HK3: variants seen among roughly 807,000 people sequenced by gnomAD.
HK3 encodes hexokinase 3, also known as hexokinase-3.
A neutral mutation model predicts 91.0 loss-of-function variants in HK3; 93 were observed. The observed-to-expected ratio is 1.02, with a 90% confidence interval of 0.86 to 1.21. The LOEUF (loss-of-function observed/expected upper bound fraction) is 1.21. Ranked by LOEUF, HK3 falls within the 50% of genes most tolerant of loss-of-function variation. HK3 has a pLI of 0.00. For synonymous variants in HK3, 519 were observed against 516.9 expected, an observed-to-expected ratio of 1.00 and a Z score of -0.06; for missense variants, 1,235 against 1,247.4, an observed-to-expected ratio of 0.99 and a Z score of 0.15.
intron 4 of HK3, 24 bp from the exon 5 acceptor site, chr5:176,890,965 A>G (rs759315734): frequency 6.2e-7 from 1 of 1,613,970 alleles, no homozygotes; most frequent in South Asian, 1.1e-5. Flanking sequence ...GGGGGGGCTC[A>G]GCCTTGCCCA....
At chr5:176,888,206 C>T (rs1561681341) in intron 10 of HK3, 126 bp downstream of exon 10, 1 of 772,290 alleles carries the variant, frequency 1.3e-6, no homozygotes. Context: ...TCAGTCTGGC[C>T]CTCCCTCTGC....
rs1291058406 is a variant in HK3, at chr5:176,887,945, A to C, written c.1305-199T>G. On this transcript the variant is annotated intron_variant, in intron 10 of 18. Transcript: ENST00000292432. This position sits in a 1 kb window ranked among gnomAD's most constrained non-coding sequence, Gnocchi z 4.9. ...ATATCGAGTCTTGCTCTCTCACCCA[A>C]GCTAGAGTGCCACGGAGTGATCATG... 6.6e-6 allele frequency among the ~76,000 whole-genome samples: 1 copy of C among 151,758 alleles called. No homozygotes were observed. The highest frequency in any genetic ancestry group is 2.4e-5 in the African/African-American group (1 of 41,292).
At position 176,889,627 on chromosome 5, in the gene HK3, A is replaced by G. The variant is rs754377276; in HGVS notation, c.730+18T>C. 14 of 1,614,024 alleles carry G rather than the reference A, an allele frequency of 8.7e-6. No individual in the cohort carries two copies. Among genetic ancestry groups the G allele is most frequent in the Admixed American group, 1.7e-5 (1 of 60,010 alleles). ...CAGCACACCCTCCACCTGTCATCACAAATGGTCCATGGCTCACCTACAACT... is the reference window on the plus strand; with the variant it reads ...CAGCACACCCTCCACCTGTCATCACGAATGGTCCATGGCTCACCTACAACT... On this transcript the variant is annotated intron_variant, in intron 7 of 18. Coordinates refer to ENST00000292432, the MANE Select transcript of HK3 (RefSeq NM_002115.3).
chr5:176,882,973 A>G (rs1758483916), intron 15 of HK3, among the ~76,000 whole-genome samples: 1 of 152,138 alleles, frequency 6.6e-6, no homozygotes, highest in African/African-American at 2.4e-5. Context: ...GTGTTGAGAG[A>G]CCAATGCCCC....
intron 15 of HK3, 149 bp from the exon 16 acceptor site, chr5:176,882,276 T>C: frequency 2.4e-6 from 2 of 818,676 alleles, no homozygotes; most frequent in Non-Finnish European, 3.8e-6. Flanking sequence ...CCTTCTTCCT[T>C]CCCGACATCC....
At position 176,881,139 on chromosome 5, in the gene HK3, C is replaced by G; in HGVS notation, c.2706G>C (p.Gly902=). ...TGACCAGGGCCGCACCTTTGCCGGACCCATCCTCTGACTGCAGGAACGTGA... is the reference window on the plus strand; with the variant it reads ...TGACCAGGGCCGCACCTTTGCCGGAGCCATCCTCTGACTGCAGGAACGTGA... ...CVVTFLQSED[G]SGKGAALVTA... Residue 902 remains glycine, a synonymous_variant, in exon 19 of 19, where the codon GGG becomes GGC. Coordinates refer to ENST00000292432, the MANE Select transcript of HK3 (RefSeq NM_002115.3). 6.2e-7 allele frequency: 1 copy of G among 1,613,084 alleles called. No homozygotes were observed. The highest frequency in any genetic ancestry group is 8.5e-7 in the Non-Finnish European group (1 of 1,179,922).
chr5:176,898,446 A>C (rs1440177463), intron 1 of HK3, among the ~76,000 whole-genome samples: 2 of 152,204 alleles, frequency 1.3e-5, no homozygotes, highest in African/African-American at 4.8e-5. Context: ...CAAGGATAAA[A>C]TGAGGTAACT....
chr5:176,888,221 G>A, intron 10 of HK3, 111 bp downstream of exon 10: 1 of 871,978 alleles, frequency 1.1e-6, no homozygotes, highest in Non-Finnish European at 1.8e-6. Flanking sequence ...CTCTGCCTAA[G>A]TGCCCTTCGT....
chr5:176,884,213 A>C lies in HK3; in HGVS notation c.1858-79T>G. ...CTCTGCCTCTGCAAAACCTGCATCC[A>C]TCACAAGCCTAGGCTTTCCACCCTC... On this transcript the variant is annotated intron_variant, in intron 13 of 18. Coordinates refer to ENST00000292432, the MANE Select transcript of HK3 (RefSeq NM_002115.3). The surrounding 1 kb of genome is among the most constrained non-coding windows in gnomAD (Gnocchi z 4.1). 1 of 1,180,254 alleles carries C rather than the reference A, an allele frequency of 8.5e-7. No homozygotes were observed. Among genetic ancestry groups the C allele is most frequent in the Non-Finnish European group, 1.3e-6 (1 of 786,984 alleles). 73.1% of individuals were successfully genotyped at this position (1,180,254 alleles called of 1,614,324 possible).
Position 176,881,777 on chromosome 5 carries a change from G to C in HK3, c.2308C>G (p.Leu770Val). The C allele has an allele frequency of 6.2e-7, 1 of 1,614,182 alleles. No homozygotes were observed. Among genetic ancestry groups the C allele is most frequent in the Non-Finnish European group, 8.5e-7 (1 of 1,180,030 alleles). The stretch of plus-strand genomic sequence containing the variant: ...TGCTGGCCCCGGAAGAGAACGCCAA[G>C]GCTGGTTAAATGTAAAAGGATGTGG... ...VRHILLHLTS[L>V]GVLFRGQQIQ... is the part of the protein sequence containing the mutation. Residue 770 changes from leucine to valine, a missense_variant, in exon 17 of 19, where the codon CTT becomes GTT. Transcript: ENST00000292432.
intron 2 of HK3, among the ~76,000 whole-genome samples, chr5:176,894,173 G>A (rs1358659486): frequency 6.6e-6 from 1 of 152,162 alleles, no homozygotes; most frequent in Admixed American, 6.5e-5. Context: ...TGGAGAGCCT[G>A]ACTCCATACC....
At chr5:176,896,206 C>A (rs748138845) in intron 1 of HK3, 21 bp from the exon 2 acceptor site, 4 of 1,407,174 alleles carry the variant, frequency 2.8e-6, no homozygotes, top group South Asian at 2.6e-5. Context: ...AAAGGGACAA[C>A]CTGGGTCAAC....
At chr5:176,898,739 G>A (rs565272165) in intron 1 of HK3, among the ~76,000 whole-genome samples, 3 of 152,132 alleles carry the variant, frequency 2.0e-5, no homozygotes, top group African/African-American at 7.2e-5. Context: ...TTTGCCTAAG[G>A]GCCCCGTGGC....
chr5:176,896,498 T>G (rs1446062208), intron 1 of HK3, among the ~76,000 whole-genome samples: 1 of 152,244 alleles, frequency 6.6e-6, no homozygotes, highest in Non-Finnish European at 1.5e-5. Context: ...GAAGCAGACC[T>G]AGGCCCTGCC....
At chr5:176,883,657 A>G in intron 15 of HK3, 113 bp downstream of exon 15, 1 of 813,888 alleles carries the variant, frequency 1.2e-6, no homozygotes. Context: ...CTACTGGGTC[A>G]GACCAGAGCA....
At chr5:176,881,627 A>G in intron 17 of HK3, 65 bp downstream of exon 17, 2 of 1,599,890 alleles carry the variant, frequency 1.3e-6, no homozygotes, top group Non-Finnish European at 1.7e-6. Flanking sequence ...ACCCATGGCC[A>G]GCAATCCCCC....
Position 176,887,743 on chromosome 5 carries a change from G to A in HK3, c.1308C>T (p.Phe436=). The change falls in exon 11 of 19, where the codon TTC becomes TTT. Residue 436 remains phenylalanine, a synonymous_variant. Coordinates refer to ENST00000292432, the MANE Select transcript of HK3 (RefSeq NM_002115.3). This position sits in a 1 kb window ranked among gnomAD's most constrained non-coding sequence, Gnocchi z 4.9. ...GGRVCERHPR[F]CSVLQGTVML... is the part of the protein sequence containing the mutation. Reference sequence around the variant, plus strand: ...TCACTGTCCCCTGCAGGACGCTGCAGAACCTACAGATACATACAGGTGCAC... The same window carrying A: ...TCACTGTCCCCTGCAGGACGCTGCAAAACCTACAGATACATACAGGTGCAC... 6.2e-7 allele frequency: 1 copy of A among 1,605,316 alleles called. No homozygotes were observed. The highest frequency in any genetic ancestry group is 1.1e-5 in the South Asian group (1 of 90,392).
intron 15 of HK3, among the ~76,000 whole-genome samples, chr5:176,882,358 C>T (rs1021736363): frequency 6.6e-6 from 1 of 152,200 alleles, no homozygotes; most frequent in Admixed American, 6.5e-5. Context: ...ACCATCAGTG[C>T]ATCCACCATG....
At position 176,881,017 on chromosome 5, in the gene HK3, C is replaced by A. The variant is rs944999211; in HGVS notation, c.*56G>T. 7.1e-5 allele frequency: 109 copies of A among 1,526,022 alleles called. No individual in the cohort carries two copies. Among genetic ancestry groups the A allele is most frequent in the Non-Finnish European group, 1.1e-5 (12 of 1,138,584 alleles). 94.5% of individuals were successfully genotyped at this position (1,526,022 alleles called of 1,614,324 possible). A position where few individuals can be genotyped will look rare whatever the true frequency, so the allele number is the denominator to read the frequency against. ...TGGGCCTGGCTGGGAAACAGGCAGACCCCGACCCGGCTCCAGCAAGGCTGC... is the reference window on the plus strand; with the variant it reads ...TGGGCCTGGCTGGGAAACAGGCAGAACCCGACCCGGCTCCAGCAAGGCTGC... On this transcript the variant is annotated 3_prime_UTR_variant, in exon 19 of 19. Transcript: ENST00000292432.
Sources: allele counts gnomAD v4.1 joint callset (sites outside exome capture counted in the v4.1 genomes callset), GRCh38; gene constraint gnomAD v4.1.1; non-coding constraint Gnocchi (gnomAD v3.1); transcripts MANE v1.5; gene names NCBI Gene and HGNC (gene_info 2026-07-23, HGNC 2026-07-21).